ROR1: variants seen among roughly 807,000 people sequenced by gnomAD.
ROR1 encodes inactive tyrosine-protein kinase transmembrane receptor ROR1.
In ROR1, 19 loss-of-function variants were observed where a neutral mutation model predicts 78.8. That is an observed-to-expected ratio of 0.24 (90% CI 0.17 to 0.35). The LOEUF is 0.35. ROR1 is among the 10% of genes least tolerant of loss of function. The pLI is 1.00. For missense variants in ROR1, 917 were observed against 1,177.8 expected (o/e 0.78, Z 3.24); for synonymous variants, 386 against 433.6 (o/e 0.89, Z 1.36).
intron 2 of ROR1, among the ~76,000 whole-genome samples, chr1:64,028,677 G>A (rs1262224922): frequency 6.6e-6 from 1 of 152,210 alleles, no homozygotes; most frequent in African/African-American, 2.4e-5. Flanking sequence ...CATAGTAGGT[G>A]TATATATTTA....
chr1:63,980,273 G>A (rs902806901), intron 1 of ROR1, among the ~76,000 whole-genome samples: 5 of 152,098 alleles, frequency 3.3e-5, no homozygotes, highest in Non-Finnish European at 7.4e-5. Context: ...CTAGCCCAGG[G>A]TTATGAAGGT....
rs549660782 is a variant in ROR1 at position 64,142,471 on chromosome 1, G to A, written c.995G>A (p.Arg332His). 3.7e-5 allele frequency: 59 copies of A among 1,614,122 alleles called. No individual in the cohort carries two copies. Among genetic ancestry groups the A allele is most frequent in the South Asian group, 2.2e-4 (20 of 91,080 alleles). The change falls in exon 7 of 9, where the codon CGC becomes CAC. Residue 332 changes from arginine (R) to histidine (H), a missense_variant. This residue lies in a region of ROR1 where 835 missense variants were observed against 1,069.8 expected (regional missense o/e 0.78). Coordinates refer to ENST00000371079, the MANE Select transcript of ROR1 (RefSeq NM_005012.4). ...ACCGTCAGTGTGACCAAATCAGGGC[G>A]CCAGTGCCAGCCATGGAATTCCCAG... ...RGTVSVTKSG[R>H]QCQPWNSQYP... is the part of the protein sequence containing the mutation.
At chr1:63,927,715 C>A (rs1645716770) in intron 1 of ROR1, among the ~76,000 whole-genome samples, 1 of 152,108 alleles carries the variant, frequency 6.6e-6, no homozygotes, top group South Asian at 2.1e-4. Flanking sequence ...CCCATGTATC[C>A]ATGACTCAAA....
At chr1:63,923,777 C>T (rs1331226532) in intron 1 of ROR1, among the ~76,000 whole-genome samples, 1 of 151,694 alleles carries the variant, frequency 6.6e-6, no homozygotes, top group African/African-American at 2.4e-5. Flanking sequence ...TCAATCTGTA[C>T]CCCTTACCCT....
chr1:63,807,259 T>C (rs1569744920), intron 1 of ROR1, among the ~76,000 whole-genome samples: 1 of 152,202 alleles, frequency 6.6e-6, no homozygotes, highest in Non-Finnish European at 1.5e-5. Flanking sequence ...ATGAAATCAC[T>C]AATGATGGGC....
chr1:64,025,043 C>T (rs535212151), intron 2 of ROR1, among the ~76,000 whole-genome samples: 1 of 152,250 alleles, frequency 6.6e-6, no homozygotes, highest in African/African-American at 2.4e-5. Flanking sequence ...ATCTATCAAT[C>T]TTTGGTGTCA....
intron 4 of ROR1, among the ~76,000 whole-genome samples, chr1:64,083,792 C>G (rs1357610565): frequency 6.6e-6 from 1 of 152,026 alleles, no homozygotes; most frequent in Non-Finnish European, 1.5e-5. Flanking sequence ...AGAATGTGTT[C>G]CTGGTACAAA....
At chr1:64,027,002 A>G (rs1646616962) in intron 2 of ROR1, among the ~76,000 whole-genome samples, 1 of 152,250 alleles carries the variant, frequency 6.6e-6, no homozygotes. Flanking sequence ...ACAATCTGTT[A>G]TGAAACTTAT....
intron 8 of ROR1, among the ~76,000 whole-genome samples, chr1:64,166,277 GTA>G (rs1376819310): frequency 1.3e-5 from 2 of 152,134 alleles, no homozygotes; most frequent in African/African-American, 4.8e-5. Context: ...TAGCCCTGTA[GTA>G]TAGTTTGAAG....
At chr1:63,919,076 TAAAATGCTTTGA>T (rs1435143136) in intron 1 of ROR1, among the ~76,000 whole-genome samples, 2 of 152,156 alleles carry the variant, frequency 1.3e-5, no homozygotes, top group Non-Finnish European at 1.5e-5. Context: ...ATAACAGGAC[TAAAATGCTTTGA>T]AACATCTTTG....
At chr1:63,814,284 G>T (rs1055336478) in intron 1 of ROR1, among the ~76,000 whole-genome samples, 5 of 152,168 alleles carry the variant, frequency 3.3e-5, no homozygotes. Context: ...AGCTTCCACA[G>T]TTCTTGCACA....
chr1:63,905,558 A>G (rs963391896), intron 1 of ROR1, among the ~76,000 whole-genome samples: 3 of 152,188 alleles, frequency 2.0e-5, no homozygotes, highest in Admixed American at 2.0e-4. Context: ...AGCATGCAGA[A>G]ACGGATGTAG....
chr1:64,004,518 C>T (rs1646412514), intron 1 of ROR1, among the ~76,000 whole-genome samples: 1 of 152,194 alleles, frequency 6.6e-6, no homozygotes, highest in South Asian at 2.1e-4. Context: ...AGTGGGGTAG[C>T]CACTTGCTTC....
intron 1 of ROR1, among the ~76,000 whole-genome samples, chr1:63,998,685 A>T (rs935224202): frequency 6.6e-6 from 1 of 152,150 alleles, no homozygotes; most frequent in African/African-American, 2.4e-5. Flanking sequence ...CATTAGGCTA[A>T]CCCTCCATTC....
At chr1:63,863,443 T>A (rs1464574173) in intron 1 of ROR1, among the ~76,000 whole-genome samples, 1 of 152,110 alleles carries the variant, frequency 6.6e-6, no homozygotes, top group African/African-American at 2.4e-5. Context: ...ATGCCTGTCT[T>A]TGGGCTCAGG....
chr1:64,174,848 G>C (rs905164262), intron 8 of ROR1, among the ~76,000 whole-genome samples: 1 of 151,946 alleles, frequency 6.6e-6, no homozygotes, highest in South Asian at 2.1e-4. Context: ...TGGCTCAACT[G>C]GTTACCTTTC....
chr1:63,963,228 C>A (rs1646046149), intron 1 of ROR1, among the ~76,000 whole-genome samples: 1 of 152,076 alleles, frequency 6.6e-6, no homozygotes, highest in Admixed American at 6.6e-5. Flanking sequence ...CCATATGTGA[C>A]AAAGAGTGCT....
intron 1 of ROR1, among the ~76,000 whole-genome samples, chr1:63,783,474 C>A (rs937540517): frequency 1.3e-5 from 2 of 152,130 alleles, no homozygotes; most frequent in African/African-American, 4.8e-5. Flanking sequence ...AAGTACTATT[C>A]TAAGTTCTTT....
At chr1:63,916,852 A>C (rs1645612650) in intron 1 of ROR1, among the ~76,000 whole-genome samples, 1 of 152,028 alleles carries the variant, frequency 6.6e-6, no homozygotes, top group Non-Finnish European at 1.5e-5. Flanking sequence ...AAAGAGCAAA[A>C]CCCTCAATTT....
Sources: allele counts gnomAD v4.1 joint callset (sites outside exome capture counted in the v4.1 genomes callset), GRCh38; gene constraint gnomAD v4.1.1; regional missense constraint gnomAD v4.1.1; transcripts MANE v1.5; gene names NCBI Gene and HGNC (gene_info 2026-07-23, HGNC 2026-07-21).